Variants in HPSE2 observed in about 807,000 individuals in gnomAD.
The protein encoded by HPSE2 is inactive heparanase-2.
HPSE2 carries 38 observed loss-of-function variants against 60.5 expected under a neutral mutation model. That is an observed-to-expected ratio of 0.63 (90% CI 0.48 to 0.82). HPSE2 has a LOEUF of 0.82. HPSE2 is among the 40% of genes least tolerant of loss of function. The pLI, the probability that HPSE2 is intolerant of heterozygous loss-of-function variation, is 0.00. For missense variants in HPSE2, 713 were observed against 740.4 expected, an observed-to-expected ratio of 0.96 and a Z score of 0.43; for synonymous variants, 295 against 293.2, an observed-to-expected ratio of 1.01 and a Z score of -0.06.
chr10:99,247,229 A>G, the HPSE2 span, among the ~76,000 whole-genome samples: 2 of 152,234 alleles, frequency 1.3e-5, no homozygotes, highest in African/African-American at 4.8e-5. Flanking sequence ...TAAACATATA[A>G]TCTCCTTTAA....
intron 3 of HPSE2, among the ~76,000 whole-genome samples, chr10:98,939,972 C>G (rs1478790741): frequency 7.0e-6 from 1 of 143,698 alleles, no homozygotes; most frequent in Non-Finnish European, 1.5e-5. Context: ...CAACCTGCTC[C>G]TGAATGACTA....
the HPSE2 span, among the ~76,000 whole-genome samples, chr10:99,248,370 GC>G: frequency 6.6e-6 from 1 of 152,216 alleles, no homozygotes; most frequent in Non-Finnish European, 1.5e-5. Context: ...GAGGCATTGG[GC>G]AACTGCCCTA....
the HPSE2 span, among the ~76,000 whole-genome samples, chr10:99,247,423 C>A: frequency 1.3e-5 from 2 of 152,160 alleles, no homozygotes; most frequent in African/African-American, 4.8e-5. Context: ...AAACATGATA[C>A]CCGCTACCGC....
At chr10:98,793,866 G>A (rs1950713269) in intron 3 of HPSE2, among the ~76,000 whole-genome samples, 1 of 152,168 alleles carries the variant, frequency 6.6e-6, no homozygotes, top group Non-Finnish European at 1.5e-5. Context: ...TCTTTGAGGA[G>A]CAAAAAGAAA....
chr10:98,985,183 T>C (rs1956310815), intron 3 of HPSE2, among the ~76,000 whole-genome samples: 1 of 152,034 alleles, frequency 6.6e-6, no homozygotes, highest in Non-Finnish European at 1.5e-5. Context: ...CCAAGACACA[T>C]CATTGTCAGA....
intron 3 of HPSE2, among the ~76,000 whole-genome samples, chr10:99,051,337 T>C (rs903044562): frequency 3.3e-5 from 5 of 152,132 alleles, no homozygotes; most frequent in African/African-American, 1.2e-4. Context: ...CCCTGTAAAA[T>C]ATTCTCCATT....
chr10:98,460,037 C>T (rs1218270074), intron 11 of HPSE2, among the ~76,000 whole-genome samples: 1 of 151,866 alleles, frequency 6.6e-6, no homozygotes, highest in Non-Finnish European at 1.5e-5. Flanking sequence ...AGGGTTTGAA[C>T]CCAGGTAGTC....
chr10:98,885,554 C>A (rs1480983865), intron 3 of HPSE2, among the ~76,000 whole-genome samples: 1 of 152,050 alleles, frequency 6.6e-6, no homozygotes, highest in East Asian at 1.9e-4. Context: ...ATTGCCACAG[C>A]CACTTCAACC....
intron 3 of HPSE2, among the ~76,000 whole-genome samples, chr10:99,097,007 A>C (rs1354543682): frequency 1.3e-5 from 2 of 152,204 alleles, no homozygotes; most frequent in Non-Finnish European, 2.9e-5. Context: ...AGGTTCCATC[A>C]GGAGTTATAT....
chr10:98,859,862 G>T (rs1240425202), intron 3 of HPSE2, among the ~76,000 whole-genome samples: 1 of 152,066 alleles, frequency 6.6e-6, no homozygotes, highest in African/African-American at 2.4e-5. Flanking sequence ...GGTTTCAGTT[G>T]CCCTCAGTCA....
At chr10:99,026,332 T>C (rs1957376427) in intron 3 of HPSE2, among the ~76,000 whole-genome samples, 1 of 152,050 alleles carries the variant, frequency 6.6e-6, no homozygotes, top group Admixed American at 6.6e-5. Context: ...CACTATACTT[T>C]ATCAGACAGA....
the HPSE2 span, among the ~76,000 whole-genome samples, chr10:99,282,118 G>A: frequency 6.6e-6 from 1 of 151,992 alleles, no homozygotes; most frequent in Non-Finnish European, 1.5e-5. Flanking sequence ...AATTAGCCAG[G>A]CATGGTGGCA....
At chr10:98,837,650 G>A (rs1198879958) in intron 3 of HPSE2, among the ~76,000 whole-genome samples, 9 of 151,904 alleles carry the variant, frequency 5.9e-5, no homozygotes, top group Non-Finnish European at 1.0e-4. Context: ...CGAGGCGGGC[G>A]GATCACGAGG....
chr10:98,526,553 C>G (rs1171936826), intron 9 of HPSE2, among the ~76,000 whole-genome samples: 1 of 152,202 alleles, frequency 6.6e-6, no homozygotes, highest in African/African-American at 2.4e-5. Flanking sequence ...TGTGCTCAGG[C>G]AGCATGGCAT....
intron 3 of HPSE2, among the ~76,000 whole-genome samples, chr10:99,073,739 C>A (rs1239586797): frequency 6.6e-6 from 1 of 152,138 alleles, no homozygotes; most frequent in Non-Finnish European, 1.5e-5. Context: ...AATGTTTTGT[C>A]ATTTTCTGTG....
At chr10:98,883,171 G>A (rs1424940249) in intron 3 of HPSE2, among the ~76,000 whole-genome samples, 1 of 151,984 alleles carries the variant, frequency 6.6e-6, no homozygotes, top group Non-Finnish European at 1.5e-5. Context: ...AGAGGTAGTG[G>A]GTTGAGAGAT....
chr10:98,562,084 A>AT (rs34227253), intron 9 of HPSE2, among the ~76,000 whole-genome samples: 130,687 of 151,924 alleles, frequency 0.86, 57,177 homozygotes, highest in East Asian at 1. Context: ...TTTATACCAT[A>AT]TTTTCCCGTA....
intron 3 of HPSE2, among the ~76,000 whole-genome samples, chr10:98,789,581 G>T (rs967470431): frequency 1.8e-4 from 28 of 152,178 alleles, no homozygotes; most frequent in African/African-American, 6.5e-4. Flanking sequence ...GACCTTTATA[G>T]CCCCATCTCA....
chr10:98,909,235 C>T (rs1953911790), intron 3 of HPSE2, among the ~76,000 whole-genome samples: 1 of 152,106 alleles, frequency 6.6e-6, no homozygotes, highest in Admixed American at 6.6e-5. Flanking sequence ...ACCTCAGTAA[C>T]TGATAAGGTA....
Sources: gnomAD v4.1 joint callset for allele counts (sites outside exome capture counted in the v4.1 genomes callset) on GRCh38, gnomAD v4.1.1 for gene constraint, MANE v1.5 for transcripts, NCBI Gene and HGNC (gene_info 2026-07-23, HGNC 2026-07-21) for gene names.